The following SHISA6 variants were observed in gnomAD, a reference collection of about 807,000 sequenced individuals.
SHISA6 encodes protein shisa-6.
SHISA6 carries 22 observed loss-of-function variants against 47.9 expected under a neutral mutation model. The observed-to-expected ratio is 0.46, with a 90% CI of 0.33 to 0.66. The LOEUF (loss-of-function observed/expected upper bound fraction) is 0.66, where lower values mean the gene tolerates loss of function less well. Among genes scored for constraint, SHISA6 ranks in the 30% least tolerant of loss-of-function variants. SHISA6 has a pLI of 0.02. For missense variants in SHISA6, 680 were observed against 764.6 expected, an observed-to-expected ratio of 0.89 and a Z score of 1.30; for synonymous variants, 388 against 337.8, an observed-to-expected ratio of 1.15 and a Z score of -1.63.
chr17:11,508,141 G>A (rs2071515623), intron 3 of SHISA6, among the ~76,000 whole-genome samples: 1 of 152,258 alleles, frequency 6.6e-6, no homozygotes, highest in Non-Finnish European at 1.5e-5. Flanking sequence ...TGGACTGGAA[G>A]TCAAGGTCTG....
rs61051749 is a variant in SHISA6, at chr17:11,501,115, A to ATTT, written c.896-50769_896-50767dup. Among the ~76,000 whole-genome samples, 480 of 145,356 alleles carry ATTT rather than the reference A, an allele frequency of 3.3e-3. 7 individuals carry two copies. Among genetic ancestry groups the ATTT allele is most frequent in the African/African-American group, 9.9e-3 (390 of 39,496 alleles). On this transcript the variant is annotated intron_variant, in intron 3 of 5. Transcript: ENST00000441885. Reference sequence around the variant, plus strand: ...TATTAATCTCTAATGCTTCCAACACATTTTTTTTTTTTTTGAGATGGAGTT... The same window carrying ATTT: ...TATTAATCTCTAATGCTTCCAACACATTTTTTTTTTTTTTTTTGAGATGGAGTT...
chr17:11,494,906 G>A (rs1005475888), intron 3 of SHISA6, among the ~76,000 whole-genome samples: 38 of 152,124 alleles, frequency 2.5e-4, no homozygotes, highest in Non-Finnish European at 5.3e-4. Flanking sequence ...GGAGTCGGGA[G>A]CCAGCCATTA....
chr17:11,420,021 T>C (rs1282698659), intron 3 of SHISA6, among the ~76,000 whole-genome samples: 3 of 152,104 alleles, frequency 2.0e-5, no homozygotes, highest in Non-Finnish European at 4.4e-5. Flanking sequence ...CTGGCCAACA[T>C]GGTGAAACTC....
chr17:11,399,852 G>T (rs1473732657), intron 3 of SHISA6, among the ~76,000 whole-genome samples: 1 of 152,128 alleles, frequency 6.6e-6, no homozygotes, highest in Non-Finnish European at 1.5e-5. Context: ...CAGAAAACTA[G>T]ATAAATTAAA....
At chr17:11,340,764 G>T (rs1237439593) in intron 2 of SHISA6, among the ~76,000 whole-genome samples, 3 of 152,202 alleles carry the variant, frequency 2.0e-5, no homozygotes, top group African/African-American at 7.2e-5. Context: ...ACCTAACAAG[G>T]CTGGGATCAC....
intron 3 of SHISA6, among the ~76,000 whole-genome samples, chr17:11,381,806 T>C (rs1048819950): frequency 4.6e-5 from 7 of 152,168 alleles, no homozygotes; most frequent in African/African-American, 1.7e-4. Flanking sequence ...ATGCTCCTTA[T>C]CTCCCATCTT....
At chr17:11,260,700 CCCTGCTCTCT>C (rs1341514916) in intron 1 of SHISA6, among the ~76,000 whole-genome samples, 1 of 151,974 alleles carries the variant, frequency 6.6e-6, no homozygotes, top group Non-Finnish European at 1.5e-5. Context: ...TCTGAACCTT[CCCTGCTCTCT>C]CTTGCTTGGG....
At chr17:11,402,115 A>T (rs537952229) in intron 3 of SHISA6, among the ~76,000 whole-genome samples, 2 of 151,910 alleles carry the variant, frequency 1.3e-5, no homozygotes, top group African/African-American at 4.8e-5. Flanking sequence ...CTGCAGTTCT[A>T]CTCTCTGAAG....
At chr17:11,360,922 T>A (rs1271986998) in intron 2 of SHISA6, among the ~76,000 whole-genome samples, 1 of 151,758 alleles carries the variant, frequency 6.6e-6, no homozygotes, top group African/African-American at 2.4e-5. Context: ...TTGAGGTCAC[T>A]CTTGTTTTTC....
chr17:11,368,579 CTATT>C (rs1912529352), intron 2 of SHISA6, among the ~76,000 whole-genome samples: 2 of 152,118 alleles, frequency 1.3e-5, no homozygotes, highest in Non-Finnish European at 2.9e-5. Context: ...ATGATAGTAA[CTATT>C]TATCAAATAA....
chr17:11,558,571 T>C lies in SHISA6; in HGVS notation c.*267T>C. The C allele has an allele frequency of 2.0e-6, 1 of 510,422 alleles. No homozygotes were observed. The highest frequency in any genetic ancestry group is 2.7e-5 in the South Asian group (1 of 37,344). 31.6% of individuals were successfully genotyped at this position (510,422 alleles called of 1,614,324 possible). Reference sequence around the variant, plus strand: ...GGAGTGAGGAGGGGGCTAGGCCCCATTCTCACCCCCGACCACCTTCACCAA... The same window carrying C: ...GGAGTGAGGAGGGGGCTAGGCCCCACTCTCACCCCCGACCACCTTCACCAA... On this transcript the variant is annotated 3_prime_UTR_variant, in exon 6 of 6. Transcript: ENST00000441885.
intron 2 of SHISA6, among the ~76,000 whole-genome samples, chr17:11,361,942 G>A (rs768954276): frequency 6.6e-6 from 1 of 152,160 alleles, no homozygotes; most frequent in Non-Finnish European, 1.5e-5. Flanking sequence ...CAGCCATCCA[G>A]ATTCAGGGGA....
chr17:11,426,482 A>T (rs1360897316), intron 3 of SHISA6, among the ~76,000 whole-genome samples: 1 of 152,202 alleles, frequency 6.6e-6, no homozygotes, highest in East Asian at 1.9e-4. Context: ...GTAAAGCATG[A>T]TGTCTTAGCA....
intron 2 of SHISA6, among the ~76,000 whole-genome samples, chr17:11,321,683 T>C (rs1033279955): frequency 1.2e-4 from 19 of 152,246 alleles, no homozygotes; most frequent in Non-Finnish European, 2.6e-4. Flanking sequence ...TTTTGTTTCT[T>C]TGTTGATCCT....
At chr17:11,319,181 C>T (rs974182988) in intron 2 of SHISA6, among the ~76,000 whole-genome samples, 2 of 150,920 alleles carry the variant, frequency 1.3e-5, no homozygotes, top group Non-Finnish European at 2.9e-5. Flanking sequence ...CGGGTTCAAT[C>T]GATTCTCCTG....
chr17:11,464,704 A>G (rs1205451261), intron 3 of SHISA6, among the ~76,000 whole-genome samples: 1 of 152,230 alleles, frequency 6.6e-6, no homozygotes, highest in Non-Finnish European at 1.5e-5. Flanking sequence ...GCACTTTGGG[A>G]GGCCAAGGCA....
chr17:11,434,604 GT>G (rs1293517902), intron 3 of SHISA6, among the ~76,000 whole-genome samples: 1 of 152,116 alleles, frequency 6.6e-6, no homozygotes, highest in Non-Finnish European at 1.5e-5. Flanking sequence ...TTCTTTTTTA[GT>G]TTTTTCAGGT....
In SHISA6 at chr17:11,555,809, T is replaced by A; in HGVS notation, c.1022T>A (p.Phe341Tyr). The part of the protein sequence containing the change: ...EPYDLSFSRS[F>Y]QNLAHLPPSY... Reference sequence around the variant, plus strand: ...TATGACCTCTCCTTCTCCCGCTCGTTCCAGAACTTGGCCCACCTGCCCCCA... The same window carrying A: ...TATGACCTCTCCTTCTCCCGCTCGTACCAGAACTTGGCCCACCTGCCCCCA... The change falls in exon 5 of 6, where the codon TTC becomes TAC. Residue 341 changes from phenylalanine to tyrosine, a missense_variant. This residue lies in a region of SHISA6 where 559 missense variants were observed against 674.1 expected (regional missense o/e 0.83). Transcript: ENST00000441885. 6.4e-7 allele frequency: 1 copy of A among 1,551,334 alleles called. No individual in the cohort carries two copies. The highest frequency in any genetic ancestry group is 1.2e-5 in the South Asian group (1 of 83,924).
At chr17:11,358,990 T>G (rs1394739927) in intron 2 of SHISA6, among the ~76,000 whole-genome samples, 2 of 152,324 alleles carry the variant, frequency 1.3e-5, no homozygotes, top group Middle Eastern at 3.4e-3. Context: ...AGGCAGAATA[T>G]TATTCCATGT....
Sources: gnomAD v4.1 joint callset for allele counts (sites outside exome capture counted in the v4.1 genomes callset) on GRCh38, gnomAD v4.1.1 for gene constraint, gnomAD v4.1.1 regional missense constraint, MANE v1.5 for transcripts, NCBI Gene and HGNC (gene_info 2026-07-23, HGNC 2026-07-21) for gene names.